The following TRPC5 variants were observed in gnomAD, a reference collection of about 807,000 sequenced individuals.
The protein encoded by TRPC5 is short transient receptor potential channel 5.
A neutral mutation model predicts 56.5 loss-of-function variants in TRPC5; 9 were observed. That is an observed-to-expected ratio of 0.16 (90% confidence interval 0.10 to 0.28). The LOEUF (loss-of-function observed/expected upper bound fraction) is 0.28. Among genes scored for constraint, TRPC5 ranks in the 10% least tolerant of loss-of-function variants. The pLI, the probability that TRPC5 is intolerant of heterozygous loss-of-function variation, is 1.00. For synonymous variants in TRPC5, 282 were observed against 278.5 expected, an observed-to-expected ratio of 1.01 and a Z score of -0.13; for missense variants, 469 against 748.9, an observed-to-expected ratio of 0.63 and a Z score of 4.36.
chrX:111,971,217 G>A (rs1201592847), intron 1 of TRPC5, among the ~76,000 whole-genome samples: 1 of 111,347 alleles, frequency 9.0e-6, no homozygotes, highest in East Asian at 2.8e-4. Context: ...AACAATTATG[G>A]TACTTAGAGA....
At chrX:112,056,884 A>C (rs936301333) in intron 1 of TRPC5, among the ~76,000 whole-genome samples, 1 of 112,400 alleles carries the variant, frequency 8.9e-6, no homozygotes, top group East Asian at 2.8e-4. Context: ...TTTCCTTCCT[A>C]TGACTACATG....
At chrX:112,040,680 G>A (rs1231098240) in intron 1 of TRPC5, among the ~76,000 whole-genome samples, 3 of 111,660 alleles carry the variant, frequency 2.7e-5, no homozygotes, top group African/African-American at 9.8e-5. Context: ...TTTATCAAGA[G>A]ACATGGGTTC....
intron 1 of TRPC5, among the ~76,000 whole-genome samples, chrX:112,032,677 A>C (rs1459979956): frequency 8.9e-6 from 1 of 112,319 alleles, no homozygotes; most frequent in Non-Finnish European, 1.9e-5. Flanking sequence ...TTCTATGTTT[A>C]ACTTCCTGAA....
At chrX:112,078,363 G>A (rs987749150) in intron 1 of TRPC5, among the ~76,000 whole-genome samples, 2 of 111,016 alleles carry the variant, frequency 1.8e-5, no homozygotes, top group Non-Finnish European at 3.8e-5. Flanking sequence ...GTTACCTCTC[G>A]ATTTCTTGGG....
intron 1 of TRPC5, among the ~76,000 whole-genome samples, chrX:112,008,309 T>C (rs931259775): frequency 1.8e-5 from 2 of 111,780 alleles, no homozygotes; most frequent in African/African-American, 6.5e-5. Flanking sequence ...GAGAAGGTGA[T>C]GGCTGGGCGC....
chrX:111,809,446 C>G lies in TRPC5; in HGVS notation c.1896+25475G>C, dbSNP rs181680177. Among the ~76,000 whole-genome samples the G allele has an allele frequency of 1.0e-3, 114 of 111,291 alleles. 1 individual carries two copies. Among genetic ancestry groups the G allele is most frequent in the Middle Eastern group, 4.7e-3 (1 of 215 alleles). Reference sequence around the variant, plus strand: ...TGTTGCTTCTGCTGTGACAGGGCAGCACTGAATTCAATGCAATGTCTCAGC... The same window carrying G: ...TGTTGCTTCTGCTGTGACAGGGCAGGACTGAATTCAATGCAATGTCTCAGC... On this transcript the variant is annotated intron_variant, in intron 7 of 10. Transcript: ENST00000262839.
chrX:111,784,656 T>C (rs1945946412), intron 7 of TRPC5, among the ~76,000 whole-genome samples: 1 of 112,200 alleles, frequency 8.9e-6, no homozygotes, highest in Non-Finnish European at 1.9e-5. Flanking sequence ...TTGGGGGATT[T>C]CCCTTTCCTA....
intron 1 of TRPC5, among the ~76,000 whole-genome samples, chrX:111,975,331 A>G (rs1479686201): frequency 1.8e-5 from 2 of 110,133 alleles, no homozygotes; most frequent in East Asian, 5.7e-4. Context: ...AAATAGAAAA[A>G]AAAAAAACAG....
intron 2 of TRPC5, among the ~76,000 whole-genome samples, chrX:111,933,301 A>G (rs1225268078): frequency 2.7e-5 from 3 of 111,727 alleles, no homozygotes; most frequent in Non-Finnish European, 5.6e-5. Flanking sequence ...ATAAGTTGGA[A>G]AAAAACAATA....
chrX:111,943,882 G>T (rs1321585372), intron 2 of TRPC5, among the ~76,000 whole-genome samples: 1 of 112,253 alleles, frequency 8.9e-6, no homozygotes, highest in Non-Finnish European at 1.9e-5. Context: ...GTGGTGCCTT[G>T]TGAGGAGTAC....
At chrX:111,902,066 A>T in intron 3 of TRPC5, 1 of 1,155,281 alleles carries the variant, frequency 8.7e-7, no homozygotes, top group Non-Finnish European at 1.1e-6. Flanking sequence ...CTTAGACTCA[A>T]TACTTACACC....
At chrX:112,064,082 TAGGA>T (rs1366921932) in intron 1 of TRPC5, among the ~76,000 whole-genome samples, 1 of 112,325 alleles carries the variant, frequency 8.9e-6, no homozygotes, top group African/African-American at 3.2e-5. Context: ...CTGTCATATA[TAGGA>T]AAGTAAACGA....
intron 2 of TRPC5, among the ~76,000 whole-genome samples, chrX:111,919,510 T>A (rs954516922): frequency 8.9e-6 from 1 of 112,295 alleles, no homozygotes; most frequent in African/African-American, 3.2e-5. Context: ...GACCATGAAC[T>A]CACCAGAAGG....
At chrX:111,902,073 C>T in intron 3 of TRPC5, 3 of 1,154,897 alleles carry the variant, frequency 2.6e-6, no homozygotes, top group Non-Finnish European at 3.4e-6. Context: ...TCAATACTTA[C>T]ACCAAGAGAG....
intron 1 of TRPC5, among the ~76,000 whole-genome samples, chrX:112,044,518 A>G (rs1178788826): frequency 8.9e-6 from 1 of 112,189 alleles, no homozygotes; most frequent in Non-Finnish European, 1.9e-5. Flanking sequence ...ATTCAACCAT[A>G]GACTATTTTG....
rs1945868111 is a variant in TRPC5 at position 111,775,184 on chromosome X, A to T, written c.*1129T>A. ...AGGGTTGTTATGATATATATCTAAC[A>T]TAATTTACACATGCAATTCCACTGC... is the stretch of plus-strand genomic sequence containing the variant. On this transcript the variant is annotated 3_prime_UTR_variant, in exon 11 of 11. Coordinates refer to ENST00000262839, the MANE Select transcript of TRPC5 (RefSeq NM_012471.3). The T allele has an allele frequency of 8.9e-6, 1 of 111,954 alleles. No individual in the cohort carries two copies. The highest frequency in any genetic ancestry group is 9.5e-5 in the Admixed American group (1 of 10,538). The allele number at this position is 111,954 out of a possible 1,213,427, so 9.2% of individuals were successfully genotyped here.
At chrX:111,784,715 C>T (rs937801792) in intron 7 of TRPC5, among the ~76,000 whole-genome samples, 1 of 112,524 alleles carries the variant, frequency 8.9e-6, no homozygotes, top group Non-Finnish European at 1.9e-5. Flanking sequence ...ACACTCCCAC[C>T]CAAATACTGC....
At chrX:111,801,788 A>C (rs1400536500) in intron 7 of TRPC5, among the ~76,000 whole-genome samples, 1 of 112,156 alleles carries the variant, frequency 8.9e-6, no homozygotes, top group Non-Finnish European at 1.9e-5. Context: ...GATACCAGTC[A>C]CTTATTAGAT....
At chrX:111,997,065 C>T (rs983195929) in intron 1 of TRPC5, among the ~76,000 whole-genome samples, 14 of 111,207 alleles carry the variant, frequency 1.3e-4, no homozygotes, top group East Asian at 8.4e-4. Flanking sequence ...TTATTTTGTC[C>T]GTTAATTGAT....
Sources: gnomAD v4.1 joint callset for allele counts (sites outside exome capture counted in the v4.1 genomes callset) on GRCh38, gnomAD v4.1.1 for gene constraint, MANE v1.5 for transcripts, NCBI Gene and HGNC (gene_info 2026-07-23, HGNC 2026-07-21) for gene names.